The following ITSN2 variants were observed in gnomAD, a reference collection of about 807,000 sequenced individuals.
ITSN2 encodes intersectin-2.
In ITSN2, 156 loss-of-function variants were observed where a neutral mutation model predicts 243.7. The observed-to-expected ratio is 0.64, with a 90% confidence interval of 0.56 to 0.73. The LOEUF (loss-of-function observed/expected upper bound fraction) is 0.73, where lower values mean the gene tolerates loss of function less well. Among genes scored for constraint, ITSN2 ranks in the 30% least tolerant of loss-of-function variants. ITSN2 has a pLI of 0.00. For missense variants in ITSN2, 1,801 were observed against 1,996.1 expected (o/e 0.90, Z 1.86); for synonymous variants, 703 against 699.9 (o/e 1.00, Z -0.07).
rs1426934119 is a variant in ITSN2 at position 24,345,617 on chromosome 2, A to T, written c.-34+14687T>A. On this transcript the variant is annotated intron_variant, in intron 1 of 39. Transcript: ENST00000355123. ...CATTGTAAAAACTTAAAACATACAA[A>T]TAAAGCCAATTCTTTTGACCATCCT... Among the ~76,000 whole-genome samples, 12 of 151,934 alleles carry T rather than the reference A, an allele frequency of 7.9e-5. No individual in the cohort carries two copies. In the South Asian group the frequency reaches 1.5e-3, roughly 18 times the overall value.
At position 24,310,368 on chromosome 2, in the gene ITSN2, C is replaced by T. The variant is rs550046461; in HGVS notation, c.569G>A (p.Gly190Glu). ...IPYSSSTLPH[G>E]SSYSLMMGGF... ...TCCCATCATCAGACTATAAGATGAC[C>T]CATGAGGCAATGCTAAAAAAGAAAA... The change falls in exon 7 of 40, where the codon GGG becomes GAG. Residue 190 changes from glycine (G) to glutamate (E), a missense_variant. By Grantham distance (98) the Gly-to-Glu change is moderately conservative. This residue lies in a region of ITSN2 where 787 missense variants were observed against 803.9 expected (regional missense o/e 0.98). Coordinates refer to ENST00000355123, the MANE Select transcript of ITSN2 (RefSeq NM_006277.3). 1 of 1,612,842 alleles carries T rather than the reference C, an allele frequency of 6.2e-7. No homozygotes were observed. The highest frequency in any genetic ancestry group is 1.7e-5 in the Admixed American group (1 of 59,838).
chr2:24,353,072 G>C (rs188764250), intron 1 of ITSN2, among the ~76,000 whole-genome samples: 2 of 152,162 alleles, frequency 1.3e-5, no homozygotes, highest in East Asian at 3.9e-4. Context: ...ACAAAAGAAA[G>C]AATAAGCAGA....
chr2:24,312,188 G>A, intron 5 of ITSN2, 24 bp downstream of exon 5: 1 of 1,561,438 alleles, frequency 6.4e-7, no homozygotes, highest in Non-Finnish European at 8.7e-7. Context: ...GCAAATACAG[G>A]TATTTAAATT....
intron 1 of ITSN2, among the ~76,000 whole-genome samples, chr2:24,354,507 T>C (rs1249473697): frequency 1.3e-5 from 2 of 152,236 alleles, no homozygotes; most frequent in African/African-American, 4.8e-5. Context: ...CAGGTAACAT[T>C]AGGCACTTAC....
At position 24,295,556 on chromosome 2, in the gene ITSN2, G is replaced by A. The variant is rs766390792; in HGVS notation, c.1635+108C>T. Reference sequence around the variant, plus strand: ...ACTCCTGACCTCAGGGGATCCACCCGCCTCAGCCTCCCAAAGTGCTAGCAT... The same window carrying A: ...ACTCCTGACCTCAGGGGATCCACCCACCTCAGCCTCCCAAAGTGCTAGCAT... On this transcript the variant is annotated intron_variant, in intron 14 of 39. Coordinates refer to ENST00000355123, the MANE Select transcript of ITSN2 (RefSeq NM_006277.3). 10 of 785,840 alleles carry A rather than the reference G, an allele frequency of 1.3e-5. No homozygotes were observed. In the Admixed American group the frequency reaches 1.6e-4, roughly 12 times the overall value. 48.7% of individuals were successfully genotyped at this position (785,840 alleles called of 1,614,324 possible). A position where few individuals can be genotyped will look rare whatever the true frequency, so the allele number is the denominator to read the frequency against.
chr2:24,299,914 GTCTT>G lies in ITSN2; in HGVS notation c.1335_1338del (p.Glu445AspfsTer15). 7 of 1,594,152 alleles carry G rather than the reference GTCTT, an allele frequency of 4.4e-6. No individual in the cohort carries two copies. Among genetic ancestry groups the G allele is most frequent in the Non-Finnish European group, 6.0e-6 (7 of 1,171,492 alleles). On this transcript the variant is annotated frameshift_variant, in exon 12 of 40. Coordinates refer to ENST00000355123, the MANE Select transcript of ITSN2 (RefSeq NM_006277.3). LOFTEE classifies it high-confidence loss of function. Reference sequence around the variant, plus strand: ...GTAAAAAACTTAAAAATAACCTCTCGTCTTTCTATGTCTTTTCTCCTTTCTTCCT... The same window carrying G: ...GTAAAAAACTTAAAAATAACCTCTCGTCTATGTCTTTTCTCCTTTCTTCCT...
intron 1 of ITSN2, among the ~76,000 whole-genome samples, chr2:24,342,703 A>G (rs1210373181): frequency 6.6e-6 from 1 of 151,986 alleles, no homozygotes; most frequent in African/African-American, 2.4e-5. Flanking sequence ...AAATGAATGA[A>G]TGTGAAGGAA....
intron 17 of ITSN2, 150 bp downstream of exon 17, chr2:24,284,613 G>T: frequency 3.9e-6 from 2 of 509,520 alleles, no homozygotes; most frequent in Non-Finnish European, 7.3e-6. Context: ...GATAGCAGAA[G>T]GATATTCAAG....
intron 17 of ITSN2, among the ~76,000 whole-genome samples, chr2:24,282,562 C>T (rs1031688245): frequency 6.6e-6 from 1 of 152,136 alleles, no homozygotes; most frequent in Non-Finnish European, 1.5e-5. Context: ...TAACACGAAC[C>T]GCCTATAGAC....
chr2:24,208,421 A>AG, intron 36 of ITSN2, 102 bp from the exon 37 acceptor site: 2 of 839,888 alleles, frequency 2.4e-6, no homozygotes, highest in Non-Finnish European at 3.9e-6. Flanking sequence ...TGCTAACCTC[A>AG]ACTTTCACAA....
chr2:24,248,529 G>T, intron 27 of ITSN2, 100 bp downstream of exon 27: 1 of 921,650 alleles, frequency 1.1e-6, no homozygotes, highest in Non-Finnish European at 1.6e-6. Context: ...TAAGTGGAAT[G>T]ATTATGGGTG....
intron 13 of ITSN2, among the ~76,000 whole-genome samples, chr2:24,296,718 C>G (rs1445570042): frequency 7.9e-5 from 12 of 152,196 alleles, no homozygotes; most frequent in Non-Finnish European, 1.8e-4. Flanking sequence ...GTTTAAGCCA[C>G]CTAGCCTATC....
chr2:24,220,792 G>A, intron 30 of ITSN2, 153 bp downstream of exon 30: 2 of 1,429,668 alleles, frequency 1.4e-6, no homozygotes, highest in Non-Finnish European at 1.8e-6. Flanking sequence ...GCATTTGGAG[G>A]ATGTGAGAGC....
At chr2:24,312,895 T>C (rs1683426084) in intron 4 of ITSN2, among the ~76,000 whole-genome samples, 1 of 152,070 alleles carries the variant, frequency 6.6e-6, no homozygotes, top group African/African-American at 2.4e-5. Flanking sequence ...TAAATGAAAC[T>C]ACAAAATAAC....
At chr2:24,358,744 A>T (rs1688684420) in intron 1 of ITSN2, among the ~76,000 whole-genome samples, 1 of 152,218 alleles carries the variant, frequency 6.6e-6, no homozygotes. Flanking sequence ...GAAAATACAA[A>T]TTTTTTAACA....
intron 22 of ITSN2, 94 bp from the exon 23 acceptor site, chr2:24,258,187 G>A (rs1675312748): frequency 2.3e-6 from 2 of 872,436 alleles, no homozygotes; most frequent in African/African-American, 3.4e-5. Flanking sequence ...TCAAACAGCA[G>A]ACCAGTTTTG....
intron 20 of ITSN2, among the ~76,000 whole-genome samples, chr2:24,264,274 C>T (rs1373908157): frequency 1.3e-5 from 2 of 151,852 alleles, no homozygotes; most frequent in African/African-American, 2.4e-5. Context: ...GCCTGTGGTC[C>T]CAGCTACTCG....
intron 22 of ITSN2, among the ~76,000 whole-genome samples, chr2:24,259,183 A>C (rs1264253197): frequency 6.6e-6 from 1 of 152,230 alleles, no homozygotes; most frequent in Non-Finnish European, 1.5e-5. Context: ...TCTACCAAAG[A>C]CAAGGATACT....
intron 4 of ITSN2, 63 bp downstream of exon 4, chr2:24,313,393 GTTAA>G: frequency 7.7e-7 from 1 of 1,298,676 alleles, no homozygotes; most frequent in East Asian, 2.4e-5. Flanking sequence ...ACAATTTTAT[GTTAA>G]CACTATATTA....
Sources: allele counts gnomAD v4.1 joint callset (sites outside exome capture counted in the v4.1 genomes callset), GRCh38; gene constraint gnomAD v4.1.1; regional missense constraint gnomAD v4.1.1; transcripts MANE v1.5; gene names NCBI Gene and HGNC (gene_info 2026-07-23, HGNC 2026-07-21).